The following LTBP3 variants were observed in gnomAD, a reference collection of about 807,000 sequenced individuals.
The protein encoded by LTBP3 is latent-transforming growth factor beta-binding protein 3.
Under a neutral mutation model 159.7 loss-of-function variants are expected in LTBP3, and 97 were observed. The observed-to-expected ratio is 0.61, with a 90% CI of 0.52 to 0.72. LTBP3 has a LOEUF of 0.72. LTBP3 is among the 30% of genes least tolerant of loss of function. The pLI is 0.00. For missense variants in LTBP3, 1,584 were observed against 1,864.3 expected, an observed-to-expected ratio of 0.85 and a Z score of 2.77; for synonymous variants, 824 against 777.1, an observed-to-expected ratio of 1.06 and a Z score of -1.00.
chr11:65,550,214 C>T (rs1856552521), intron 11 of LTBP3, among the ~76,000 whole-genome samples: 1 of 151,906 alleles, frequency 6.6e-6, no homozygotes, highest in East Asian at 1.9e-4. Context: ...TCAAGACCAT[C>T]CTGATTAACA....
rs370306373 is a variant in LTBP3 at position 65,541,704 on chromosome 11, G to A, written c.2621C>T (p.Pro874Leu). Residue 874 changes from proline (P) to leucine (L), a missense_variant, in exon 19 of 28, where the codon CCG becomes CTG. Physicochemically the swap from Pro to Leu is moderately conservative, Grantham distance 98. Coordinates refer to ENST00000301873, the MANE Select transcript of LTBP3 (RefSeq NM_001130144.3). ...GGCCCCATGGGGAAGGCACAGGCTC[G>A]GGTCCTGGCTGCACTCATCTATGTC... ...CQDIDECSQD[P>L]SLCLPHGACK... 1.3e-4 allele frequency: 202 copies of A among 1,613,934 alleles called. 1 individual carries two copies. Among genetic ancestry groups the A allele is most frequent in the Middle Eastern group, 4.9e-4 (3 of 6,084 alleles).
In LTBP3 at chr11:65,546,668, A is replaced by G. The variant is rs78699608; in HGVS notation, c.2231-104T>C. 1,566 of 1,557,648 alleles carry G rather than the reference A, an allele frequency of 1.0e-3. 14 individuals carry two copies. The East Asian group carries it at 0.03, about 29-fold the overall frequency. ...CCCTGGAACGCGGGGTTGAGAGGGC[A>G]GCCTCTACTCCCGGAAGGCCCCGCC... On this transcript the variant is annotated intron_variant, in intron 15 of 27. Transcript: ENST00000301873. The surrounding 1 kb of genome is among the most constrained non-coding windows in gnomAD (Gnocchi z 4.0).
At chr11:65,539,275 C>T in intron 27 of LTBP3, 44 bp from the exon 28 acceptor site, 3 of 1,515,312 alleles carry the variant, frequency 2.0e-6, no homozygotes, top group East Asian at 2.6e-5. Flanking sequence ...AGCCTCCAGG[C>T]GGCTCCTCAC....
At chr11:65,549,697 C>T (rs1856525745) in intron 11 of LTBP3, among the ~76,000 whole-genome samples, 1 of 139,206 alleles carries the variant, frequency 7.2e-6, no homozygotes, top group Admixed American at 7.7e-5. Flanking sequence ...AGATTACAGC[C>T]GTGAGCCACT....
chr11:65,539,894 C>A lies in LTBP3; in HGVS notation c.3386-13G>T, dbSNP rs1590757132. ...TCCGGGGCACGCTCTGCGGAAGACA[C>A]CTGGCATCAGGGGAGGGGCCCAAGG... is the stretch of plus-strand genomic sequence containing the variant. On this transcript the variant is annotated splice_polypyrimidine_tract_variant and intron_variant, in intron 24 of 27. Coordinates refer to ENST00000301873, the MANE Select transcript of LTBP3 (RefSeq NM_001130144.3). The A allele has an allele frequency of 2.7e-6, 4 of 1,507,132 alleles. No individual in the cohort carries two copies. The highest frequency in any genetic ancestry group is 3.5e-6 in the Non-Finnish European group (4 of 1,135,004). The allele number at this position is 1,507,132 out of a possible 1,614,324, so 93.4% of individuals were successfully genotyped here.
Position 65,541,661 on chromosome 11 carries a change from G to A in LTBP3, c.2664C>T (p.Gly888=), listed in dbSNP as rs781528701. Reference sequence around the variant, plus strand: ...CCTCATCGCAGACACACACATAGGAGCCCTGAAGGTTCTTGCAGGCCCCAT... The same window carrying A: ...CCTCATCGCAGACACACACATAGGAACCCTGAAGGTTCTTGCAGGCCCCAT... ...LPHGACKNLQ[G]SYVCVCDEGF... is the part of the protein sequence containing the mutation. The change falls in exon 19 of 28, where the codon GGC becomes GGT. Residue 888 remains glycine (G), a synonymous_variant. Coordinates refer to ENST00000301873, the MANE Select transcript of LTBP3 (RefSeq NM_001130144.3). 8 of 1,614,094 alleles carry A rather than the reference G, an allele frequency of 5.0e-6. No homozygotes were observed. The South Asian group carries it at 7.7e-5, about 16-fold the overall frequency.
In LTBP3 at chr11:65,553,322, T is replaced by C; in HGVS notation, c.971-66A>G. 1 of 1,406,690 alleles carries C rather than the reference T, an allele frequency of 7.1e-7. No individual in the cohort carries two copies. Among genetic ancestry groups the C allele is most frequent in the South Asian group, 1.2e-5 (1 of 86,604 alleles). 87.1% of individuals were successfully genotyped at this position (1,406,690 alleles called of 1,614,324 possible). A position where few individuals can be genotyped will look rare whatever the true frequency, so the allele number is the denominator to read the frequency against. ...GAACTGGGGAGGGGCACAGCAGATG[T>C]AGAGAGGAATCTGGTGACCTGGGGA... On this transcript the variant is annotated intron_variant, in intron 4 of 27. Coordinates refer to ENST00000301873, the MANE Select transcript of LTBP3 (RefSeq NM_001130144.3). This position sits in a 1 kb window ranked among gnomAD's most constrained non-coding sequence, Gnocchi z 6.5.
chr11:65,557,311 C>T (rs1382675357), intron 1 of LTBP3, among the ~76,000 whole-genome samples: 1 of 152,122 alleles, frequency 6.6e-6, no homozygotes, highest in Non-Finnish European at 1.5e-5. Flanking sequence ...TCACATTCCT[C>T]AAAAACCCTG....
rs1217576770 is a variant in LTBP3 at position 65,552,703 on chromosome 11, A to C, written c.1186+157T>G. On this transcript the variant is annotated intron_variant, in intron 6 of 27. Coordinates refer to ENST00000301873, the MANE Select transcript of LTBP3 (RefSeq NM_001130144.3). The surrounding 1 kb of genome is among the most constrained non-coding windows in gnomAD (Gnocchi z 6.0). ...CATGTGACTGCTAATGGCAGATCTC[A>C]TGTGACCCCGGACCCTGCTGATCCC... Among the ~76,000 whole-genome samples the C allele has an allele frequency of 2.0e-5, 3 of 152,158 alleles. No homozygotes were observed. The highest frequency in any genetic ancestry group is 4.4e-5 in the Non-Finnish European group (3 of 68,030).
rs760671675 is a variant in LTBP3, at chr11:65,557,822, G to A, written c.138C>T (p.Ala46=). The change falls in exon 1 of 28, where the codon GCC becomes GCT. Residue 46 remains alanine (A), a synonymous_variant. Transcript: ENST00000301873. ...GLGGRVEGGP[A]GERGAGGGGA... ...CGCCCCCGCCTGCGCCCCGCTCGCC[G>A]GCCGGCCCCCCCTCGACCCTGCCGC... The A allele has an allele frequency of 5.4e-6, 8 of 1,474,190 alleles. 1 individual carries two copies. The highest frequency in any genetic ancestry group is 1.8e-4 in the Middle Eastern group (1 of 5,564). The allele number at this position is 1,474,190 out of a possible 1,614,324, so 91.3% of individuals were successfully genotyped here.
rs1005610024 is a variant in LTBP3 at position 65,546,191 on chromosome 11, A to T, written c.2353+251T>A. On this transcript the variant is annotated intron_variant, in intron 16 of 27. Transcript: ENST00000301873. The surrounding 1 kb of genome is among the most constrained non-coding windows in gnomAD (Gnocchi z 4.0). Reference sequence around the variant, plus strand: ...TACTATCGTCTGCCCTCATTCTTTGATATCTTTTTTCCTTCAAATTTAAGT... The same window carrying T: ...TACTATCGTCTGCCCTCATTCTTTGTTATCTTTTTTCCTTCAAATTTAAGT... 7.3e-6 allele frequency: 4 copies of T among 544,682 alleles called. No individual in the cohort carries two copies. Among genetic ancestry groups the T allele is most frequent in the Non-Finnish European group, 1.3e-5 (4 of 309,882 alleles). 33.7% of individuals were successfully genotyped at this position (544,682 alleles called of 1,614,324 possible).
rs1031126979 is a variant in LTBP3, at chr11:65,543,792, G to A, written c.2354-243C>T. ...CCAGCCTCCCCCGCCCTCTCTCCCT[G>A]CCCCAGCCGCTTTCACTGCTGCTCC... On this transcript the variant is annotated intron_variant, in intron 16 of 27. Transcript: ENST00000301873. The A allele has an allele frequency of 9.2e-6, 5 of 545,126 alleles. No individual in the cohort carries two copies. The African/African-American group carries it at 9.7e-5, about 11-fold the overall frequency. 33.8% of individuals were successfully genotyped at this position (545,126 alleles called of 1,614,324 possible). A position where few individuals can be genotyped will look rare whatever the true frequency, so the allele number is the denominator to read the frequency against.
intron 1 of LTBP3, among the ~76,000 whole-genome samples, chr11:65,556,680 G>A (rs1369336723): frequency 3.3e-5 from 5 of 152,194 alleles, no homozygotes; most frequent in Non-Finnish European, 5.9e-5. Context: ...ACAGACACAC[G>A]CACGCACACC....
Position 65,538,890 on chromosome 11 carries a change from A to C in LTBP3, c.*190T>G. On this transcript the variant is annotated 3_prime_UTR_variant, in exon 28 of 28. Coordinates refer to ENST00000301873, the MANE Select transcript of LTBP3 (RefSeq NM_001130144.3). The stretch of plus-strand genomic sequence containing the variant: ...GAGGAAGGCAGGCAGCGCCCGCCGG[A>C]GACCTTACAACCGCCCGCTAACCGG... 1.8e-6 allele frequency: 2 copies of C among 1,126,150 alleles called. No individual in the cohort carries two copies. 69.8% of individuals were successfully genotyped at this position (1,126,150 alleles called of 1,614,324 possible). A position where few individuals can be genotyped will look rare whatever the true frequency, so the allele number is the denominator to read the frequency against.
At position 65,552,236 on chromosome 11, in the gene LTBP3, A is replaced by G. The variant is rs1424054293; in HGVS notation, c.1345+12T>C. The stretch of plus-strand genomic sequence containing the variant: ...ACCTATGAACCCCTATCCCCGGGTA[A>G]CCCTGACTCACCGGTGCCATCTGTT... On this transcript the variant is annotated intron_variant, in intron 7 of 27. Coordinates refer to ENST00000301873, the MANE Select transcript of LTBP3 (RefSeq NM_001130144.3). This position sits in a 1 kb window ranked among gnomAD's most constrained non-coding sequence, Gnocchi z 6.0. 1.2e-6 allele frequency: 2 copies of G among 1,613,966 alleles called. No individual in the cohort carries two copies. Among genetic ancestry groups the G allele is most frequent in the African/African-American group, 1.3e-5 (1 of 74,894 alleles).
intron 11 of LTBP3, 153 bp from the exon 12 acceptor site, chr11:65,548,198 T>G: frequency 8.8e-7 from 1 of 1,131,546 alleles, no homozygotes. Context: ...CTCTTTTAGA[T>G]AACCCCAATA....
chr11:65,548,614 A>C, intron 11 of LTBP3: 2 of 165,612 alleles, frequency 1.2e-5, no homozygotes, highest in Non-Finnish European at 2.7e-5. Flanking sequence ...CACCCCCCTC[A>C]CTCTCTTTGT....
rs1347940865 is a variant in LTBP3 at position 65,539,248 on chromosome 11, C to A, written c.3761-17G>T. The stretch of plus-strand genomic sequence containing the variant: ...CGTCGATATCTGAAGGTGAGGGCGA[C>A]AGGTGCGGCTTCGCTGAGCCTCCAG... On this transcript the variant is annotated splice_polypyrimidine_tract_variant and intron_variant, in intron 27 of 27. Coordinates refer to ENST00000301873, the MANE Select transcript of LTBP3 (RefSeq NM_001130144.3). 1 of 1,524,708 alleles carries A rather than the reference C, an allele frequency of 6.6e-7. No individual in the cohort carries two copies. Among genetic ancestry groups the A allele is most frequent in the Non-Finnish European group, 8.8e-7 (1 of 1,131,992 alleles). The allele number at this position is 1,524,708 out of a possible 1,614,324, so 94.4% of individuals were successfully genotyped here.
chr11:65,546,992 C>A lies in LTBP3; in HGVS notation c.2108-72G>T. 6.3e-7 allele frequency: 1 copy of A among 1,595,066 alleles called. No homozygotes were observed. Among genetic ancestry groups the A allele is most frequent in the Non-Finnish European group, 8.5e-7 (1 of 1,174,638 alleles). On this transcript the variant is annotated intron_variant, in intron 14 of 27. Coordinates refer to ENST00000301873, the MANE Select transcript of LTBP3 (RefSeq NM_001130144.3). This position sits in a 1 kb window ranked among gnomAD's most constrained non-coding sequence, Gnocchi z 4.0. ...GTGGCCCGGCTCCCAGCGTCCACAG[C>A]AGGGACTTCCTCCCACACAGATCAA...
Sources: allele counts gnomAD v4.1 joint callset (sites outside exome capture counted in the v4.1 genomes callset), GRCh38; gene constraint gnomAD v4.1.1; non-coding constraint Gnocchi (gnomAD v3.1); transcripts MANE v1.5; gene names NCBI Gene and HGNC (gene_info 2026-07-23, HGNC 2026-07-21).